COL25A1: variants seen among roughly 807,000 people sequenced by gnomAD.
COL25A1 encodes collagen type XXV alpha 1 chain.
In COL25A1, 103 loss-of-function variants were observed where a neutral mutation model predicts 128.4. The ratio of observed to expected loss-of-function variants is 0.80; its 90% CI spans 0.68 to 0.94. The LOEUF is 0.94. Among genes scored for constraint, COL25A1 ranks in the 40% least tolerant of loss-of-function variants. COL25A1 has a pLI of 0.00. For missense variants in COL25A1, 745 were observed against 840.0 expected (o/e 0.89, Z 1.40); for synonymous variants, 279 against 277.2 (o/e 1.01, Z -0.06).
chr4:108,878,307 C>T (rs756035273), intron 19 of COL25A1, among the ~76,000 whole-genome samples: 28 of 151,870 alleles, frequency 1.8e-4, no homozygotes, highest in Non-Finnish European at 3.1e-4. Flanking sequence ...TTATTACCCC[C>T]GAGAAGATCC....
chr4:109,149,581 T>C (rs1771273435), intron 3 of COL25A1, among the ~76,000 whole-genome samples: 1 of 152,124 alleles, frequency 6.6e-6, no homozygotes, highest in Non-Finnish European at 1.5e-5. Context: ...AAGGATAATA[T>C]ATGTTATGTC....
chr4:109,004,965 C>T lies in COL25A1; in HGVS notation c.438+5393G>A, dbSNP rs367545489. On this transcript the variant is annotated intron_variant, in intron 6 of 37. Transcript: ENST00000399132. ...CGGGAAAAACAAGTTAATTACAATT[C>T]TGTCCAAGTCTTTTAATAAACTTTA... Among the ~76,000 whole-genome samples, 38 of 152,128 alleles carry T rather than the reference C, an allele frequency of 2.5e-4. No individual in the cohort carries two copies. The East Asian group carries it at 6.4e-3, about 26-fold the overall frequency.
Position 109,094,347 on chromosome 4 carries a change from C to T in COL25A1, c.368-44168G>A, listed in dbSNP as rs77985932. On this transcript the variant is annotated intron_variant, in intron 3 of 37. Transcript: ENST00000399132. ...AGGCAAACCCTTGAATTTAATTTTC[C>T]TCCTTTCCATTACATTTGCTTGGCA... is the stretch of plus-strand genomic sequence containing the variant. Among the ~76,000 whole-genome samples the T allele has an allele frequency of 9.3e-3, 1,415 of 152,266 alleles. 25 individuals carry two copies. The highest frequency in any genetic ancestry group is 0.032 in the African/African-American group (1,336 of 41,546).
At chr4:108,815,287 T>C (rs1460798550) in intron 37 of COL25A1, among the ~76,000 whole-genome samples, 1 of 152,188 alleles carries the variant, frequency 6.6e-6, no homozygotes, top group Non-Finnish European at 1.5e-5. Context: ...CCCTACAGCC[T>C]AATAAACACA....
rs552395556 is a variant in COL25A1 at position 108,886,279 on chromosome 4, C to T, written c.976-2057G>A. On this transcript the variant is annotated intron_variant, in intron 18 of 37. Transcript: ENST00000399132. Reference sequence around the variant, plus strand: ...ACATCGCCTAACATTTTTAGAAAGACTTTTTTTTCCTATATAAATCCTCTG... The same window carrying T: ...ACATCGCCTAACATTTTTAGAAAGATTTTTTTTTCCTATATAAATCCTCTG... Among the ~76,000 whole-genome samples, 65 of 151,960 alleles carry T rather than the reference C, an allele frequency of 4.3e-4. No individual in the cohort carries two copies. In the South Asian group the frequency reaches 0.013, roughly 31 times the overall value.
intron 16 of COL25A1, among the ~76,000 whole-genome samples, chr4:108,892,133 C>T (rs1741585290): frequency 6.6e-6 from 1 of 151,860 alleles, no homozygotes; most frequent in African/African-American, 2.4e-5. Context: ...GTTTATAATC[C>T]TCCTTCCCCA....
At chr4:108,853,225 C>T (rs1736014672) in intron 24 of COL25A1, among the ~76,000 whole-genome samples, 1 of 152,004 alleles carries the variant, frequency 6.6e-6, no homozygotes, top group South Asian at 2.1e-4. Context: ...ATGCTAGAGG[C>T]TTGTCAGTAT....
chr4:108,827,597 G>T (rs1261962776), intron 32 of COL25A1, among the ~76,000 whole-genome samples: 1 of 152,108 alleles, frequency 6.6e-6, no homozygotes, highest in Non-Finnish European at 1.5e-5. Context: ...CATGATCATG[G>T]CTCACTGAAA....
intron 19 of COL25A1, among the ~76,000 whole-genome samples, chr4:108,880,045 G>A (rs1739937898): frequency 6.6e-6 from 1 of 152,088 alleles, no homozygotes; most frequent in African/African-American, 2.4e-5. Context: ...CTGACCTCAG[G>A]TGATCCACCC....
chr4:109,221,152 A>C (rs1293750863), intron 3 of COL25A1, among the ~76,000 whole-genome samples: 1 of 128,934 alleles, frequency 7.8e-6, no homozygotes, highest in Non-Finnish European at 1.6e-5. Context: ...AGTAATTGAT[A>C]AAATTACTTA....
intron 3 of COL25A1, among the ~76,000 whole-genome samples, chr4:109,100,050 G>C (rs1373970948): frequency 6.6e-6 from 1 of 152,024 alleles, no homozygotes; most frequent in East Asian, 1.9e-4. Flanking sequence ...TAAGACTATT[G>C]AAAAGAATGA....
At chr4:108,912,727 T>C (rs1401422723) in intron 13 of COL25A1, among the ~76,000 whole-genome samples, 1 of 152,204 alleles carries the variant, frequency 6.6e-6, no homozygotes, top group Non-Finnish European at 1.5e-5. Flanking sequence ...TATCATTCAC[T>C]GCATAGACTT....
At chr4:109,220,473 C>T (rs1022004778) in intron 3 of COL25A1, among the ~76,000 whole-genome samples, 8 of 152,128 alleles carry the variant, frequency 5.3e-5, no homozygotes, top group Admixed American at 1.3e-4. Flanking sequence ...GTGGTTCCCC[C>T]ATGGAATGCA....
chr4:108,869,857 A>G (rs1368172988), intron 19 of COL25A1, among the ~76,000 whole-genome samples: 1 of 152,138 alleles, frequency 6.6e-6, no homozygotes, highest in African/African-American at 2.4e-5. Context: ...TTAATATTTT[A>G]AAATATATTT....
chr4:109,245,617 C>T (rs539053990), intron 3 of COL25A1, among the ~76,000 whole-genome samples: 6 of 152,240 alleles, frequency 3.9e-5, no homozygotes, highest in African/African-American at 9.6e-5. Flanking sequence ...CCAAAGTCTA[C>T]CTTAAGCTTG....
chr4:109,148,981 T>G (rs1470728677), intron 3 of COL25A1, among the ~76,000 whole-genome samples: 1 of 152,218 alleles, frequency 6.6e-6, no homozygotes, highest in Non-Finnish European at 1.5e-5. Context: ...CTTTGAAGTC[T>G]TTCTTCAAAA....
intron 32 of COL25A1, among the ~76,000 whole-genome samples, chr4:108,831,194 A>T (rs1733057995): frequency 6.6e-6 from 1 of 151,658 alleles, no homozygotes; most frequent in Non-Finnish European, 1.5e-5. Context: ...TATATTAATA[A>T]ATATTAATAA....
chr4:108,943,800 C>CTAAA (rs1383692194), intron 8 of COL25A1, among the ~76,000 whole-genome samples: 1 of 146,062 alleles, frequency 6.8e-6, no homozygotes, highest in Non-Finnish European at 1.5e-5. Context: ...ACATGTGAAA[C>CTAAA]TAAAGCCTTT....
At chr4:109,077,390 A>G (rs1763467658) in intron 3 of COL25A1, among the ~76,000 whole-genome samples, 1 of 152,122 alleles carries the variant, frequency 6.6e-6, no homozygotes, top group Non-Finnish European at 1.5e-5. Context: ...TAATGCTAAT[A>G]AAAACAAAAC....
Sources: gnomAD v4.1 joint callset for allele counts (sites outside exome capture counted in the v4.1 genomes callset) on GRCh38, gnomAD v4.1.1 for gene constraint, MANE v1.5 for transcripts, NCBI Gene and HGNC (gene_info 2026-07-23, HGNC 2026-07-21) for gene names.